The following LRRC4C variants were observed in gnomAD, a reference collection of about 807,000 sequenced individuals.
LRRC4C encodes leucine-rich repeat-containing protein 4C.
Under a neutral mutation model 33.6 loss-of-function variants are expected in LRRC4C, and 5 were observed. That is an observed-to-expected ratio of 0.15 (90% CI 0.08 to 0.31). The LOEUF is 0.31. Among genes scored for constraint, LRRC4C ranks in the 10% least tolerant of loss-of-function variants. LRRC4C has a pLI of 1.00. For missense variants in LRRC4C, 560 were observed against 796.7 expected (o/e 0.70, Z 3.58); for synonymous variants, 329 against 302.0 (o/e 1.09, Z -0.93).
chr11:40,967,009 C>T (rs537166688), intron 1 of LRRC4C, among the ~76,000 whole-genome samples: 32 of 152,090 alleles, frequency 2.1e-4, no homozygotes, highest in South Asian at 4.1e-4. Flanking sequence ...ATATCACCTA[C>T]GATAGGGGCA....
intron 4 of LRRC4C, among the ~76,000 whole-genome samples, chr11:40,252,433 G>A (rs1014896581): frequency 6.6e-6 from 1 of 151,756 alleles, no homozygotes; most frequent in Non-Finnish European, 1.5e-5. Context: ...CAAGACAAAA[G>A]GATCTTACCA....
At chr11:40,739,565 C>T (rs533624792) in intron 2 of LRRC4C, among the ~76,000 whole-genome samples, 1 of 152,086 alleles carries the variant, frequency 6.6e-6, no homozygotes, top group South Asian at 2.1e-4. Flanking sequence ...TGTGTCCCCA[C>T]CCAAAACTCA....
At chr11:40,141,430 C>T (rs1857359505) in intron 5 of LRRC4C, among the ~76,000 whole-genome samples, 1 of 152,092 alleles carries the variant, frequency 6.6e-6, no homozygotes, top group African/African-American at 2.4e-5. Flanking sequence ...GACTGAGGGC[C>T]ATGTACAGTA....
Position 41,213,195 on chromosome 11 carries a change from G to A in LRRC4C, c.-496+246236C>T, listed in dbSNP as rs536142536. Among the ~76,000 whole-genome samples, 6 of 152,250 alleles carry A rather than the reference G, an allele frequency of 3.9e-5. No individual in the cohort carries two copies. The South Asian group carries it at 1.2e-3, about 32-fold the overall frequency. ...CTAAAAAGTTAAAATCACTCTGAAT[G>A]TCAATTCCCACATGTTATAAACTAA... On this transcript the variant is annotated intron_variant, in intron 1 of 6. Coordinates refer to ENST00000528697, the MANE Select transcript of LRRC4C (RefSeq NM_001258419.2).
chr11:40,312,449 C>T (rs1179725293), intron 4 of LRRC4C, among the ~76,000 whole-genome samples: 1 of 152,124 alleles, frequency 6.6e-6, no homozygotes, highest in East Asian at 1.9e-4. Context: ...TAGTTCCAGC[C>T]ATGTGCATGG....
intron 3 of LRRC4C, among the ~76,000 whole-genome samples, chr11:40,398,791 A>G (rs924012747): frequency 6.6e-6 from 1 of 152,110 alleles, no homozygotes; most frequent in African/African-American, 2.4e-5. Flanking sequence ...AGACAGCAGA[A>G]CAAAAAGAAA....
At chr11:40,499,081 C>T (rs1487035706) in intron 3 of LRRC4C, among the ~76,000 whole-genome samples, 27 of 152,120 alleles carry the variant, frequency 1.8e-4, no homozygotes, top group Non-Finnish European at 1.5e-5. Context: ...TTAACAAGTA[C>T]CAGCCACAAC....
intron 1 of LRRC4C, among the ~76,000 whole-genome samples, chr11:41,443,308 G>A (rs978403177): frequency 1.3e-5 from 2 of 151,940 alleles, no homozygotes; most frequent in Non-Finnish European, 2.9e-5. Context: ...AGGAGTTAGA[G>A]ACAAGCCTGG....
chr11:40,192,375 T>TCC (rs1861916199), intron 5 of LRRC4C, among the ~76,000 whole-genome samples: 3 of 152,030 alleles, frequency 2.0e-5, no homozygotes, highest in Non-Finnish European at 4.4e-5. Flanking sequence ...GTTGGGGAAC[T>TCC]CCCTCCCCTA....
chr11:41,149,871 A>G (rs1339493461), intron 1 of LRRC4C, among the ~76,000 whole-genome samples: 2 of 152,200 alleles, frequency 1.3e-5, no homozygotes, highest in African/African-American at 2.4e-5. Flanking sequence ...TTCCATCGAA[A>G]TCATAAAATT....
At chr11:40,494,282 T>G (rs991905437) in intron 3 of LRRC4C, among the ~76,000 whole-genome samples, 3 of 152,192 alleles carry the variant, frequency 2.0e-5, no homozygotes, top group African/African-American at 7.2e-5. Context: ...AAAGTTATTT[T>G]TATTTGTCTT....
At chr11:40,856,965 GC>G (rs547995529) in intron 2 of LRRC4C, among the ~76,000 whole-genome samples, 208 of 152,268 alleles carry the variant, frequency 1.4e-3, no homozygotes, top group African/African-American at 4.8e-3. Context: ...GAAGAAGAAT[GC>G]CCAAATTGGA....
At chr11:40,387,766 C>T (rs969220957) in intron 3 of LRRC4C, among the ~76,000 whole-genome samples, 4 of 152,102 alleles carry the variant, frequency 2.6e-5, no homozygotes, top group African/African-American at 9.7e-5. Flanking sequence ...CTCTTTTTAC[C>T]TCAGTTACTT....
chr11:40,602,204 A>G (rs565013898), intron 3 of LRRC4C, among the ~76,000 whole-genome samples: 1 of 116,830 alleles, frequency 8.6e-6, no homozygotes, highest in East Asian at 2.1e-4. Flanking sequence ...AAAAAAAAAA[A>G]AAAAAAGAAA....
chr11:40,782,193 T>C (rs1950235478), intron 2 of LRRC4C, among the ~76,000 whole-genome samples: 2 of 152,180 alleles, frequency 1.3e-5, no homozygotes, highest in Admixed American at 6.5e-5. Context: ...CCCTTAATTA[T>C]GTTTTCGGCA....
At chr11:40,296,698 AC>A (rs1944530280) in intron 4 of LRRC4C, among the ~76,000 whole-genome samples, 1 of 152,252 alleles carries the variant, frequency 6.6e-6, no homozygotes, top group Admixed American at 6.5e-5. Flanking sequence ...TCATGAAAGT[AC>A]ACATGCAAAC....
intron 1 of LRRC4C, among the ~76,000 whole-genome samples, chr11:41,216,316 A>G (rs1394512966): frequency 6.6e-6 from 1 of 152,220 alleles, no homozygotes; most frequent in Non-Finnish European, 1.5e-5. Context: ...CTATGCAATC[A>G]ACATTAACTT....
At chr11:40,718,797 T>A (rs186638528) in intron 2 of LRRC4C, among the ~76,000 whole-genome samples, 36 of 152,324 alleles carry the variant, frequency 2.4e-4, no homozygotes, top group African/African-American at 8.7e-4. Flanking sequence ...CATCTCTTAC[T>A]TTCTTTTATT....
chr11:41,073,101 C>T (rs1938832972), intron 1 of LRRC4C, among the ~76,000 whole-genome samples: 1 of 152,114 alleles, frequency 6.6e-6, no homozygotes, highest in South Asian at 2.1e-4. Flanking sequence ...ATACCTTTAA[C>T]TTGCAGTTGT....
Sources: gnomAD v4.1 joint callset for allele counts (sites outside exome capture counted in the v4.1 genomes callset) on GRCh38, gnomAD v4.1.1 for gene constraint, MANE v1.5 for transcripts, NCBI Gene and HGNC (gene_info 2026-07-23, HGNC 2026-07-21) for gene names.